The following MICAL2 variants were observed in gnomAD, a reference collection of about 807,000 sequenced individuals.
MICAL2 encodes the protein [F-actin]-monooxygenase MICAL2.
MICAL2 carries 77 observed loss-of-function variants against 127.3 expected under a neutral mutation model. That is an observed-to-expected ratio of 0.60 (90% CI 0.50 to 0.73). The LOEUF (loss-of-function observed/expected upper bound fraction) is 0.73, where lower values mean the gene tolerates loss of function less well. Among genes scored for constraint, MICAL2 ranks in the 30% least tolerant of loss-of-function variants. MICAL2 has a pLI of 0.00. For synonymous variants in MICAL2, 570 were observed against 551.1 expected (o/e 1.03, Z -0.48); for missense variants, 1,351 against 1,434.4 (o/e 0.94, Z 0.94).
At chr11:12,201,892 G>A (rs1430308308) in intron 3 of MICAL2, among the ~76,000 whole-genome samples, 1 of 152,196 alleles carries the variant, frequency 6.6e-6, no homozygotes, top group African/African-American at 2.4e-5. Flanking sequence ...GCCAAGGCGG[G>A]CAGATCACCT....
chr11:12,195,710 T>TC (rs201315999), intron 3 of MICAL2, among the ~76,000 whole-genome samples: 11 of 151,642 alleles, frequency 7.3e-5, no homozygotes, highest in South Asian at 4.2e-4. Context: ...GATTTCTTTT[T>TC]TTTTTTTTTT....
intron 3 of MICAL2, among the ~76,000 whole-genome samples, chr11:12,173,884 T>C (rs1317824026): frequency 6.6e-6 from 1 of 152,200 alleles, no homozygotes; most frequent in Non-Finnish European, 1.5e-5. Context: ...TCTTTTCTTT[T>C]TCAATCTTAA....
At position 12,232,387 on chromosome 11, in the gene MICAL2, G is replaced by C. The variant is rs1289992313; in HGVS notation, c.1996-3790G>C. Among the ~76,000 whole-genome samples the C allele has an allele frequency of 1.2e-4, 19 of 152,296 alleles. No homozygotes were observed. In the East Asian group the frequency reaches 3.3e-3, roughly 26 times the overall value. On this transcript the variant is annotated intron_variant, in intron 15 of 27. Transcript: ENST00000683283. ...AGATTACATTTTGATAAGTCATGTAGGTGGTAAATGTCAAAGCCAGAAGTA... is the reference window on the plus strand; with the variant it reads ...AGATTACATTTTGATAAGTCATGTACGTGGTAAATGTCAAAGCCAGAAGTA...
At chr11:12,334,888 T>C (rs1938721760) in intron 32 of MICAL2, among the ~76,000 whole-genome samples, 1 of 152,106 alleles carries the variant, frequency 6.6e-6, no homozygotes, top group Admixed American at 6.5e-5. Flanking sequence ...GTCTTGGCTA[T>C]TGTGAATAGT....
At chr11:12,345,116 C>CAAAAAAAAAAAAAAAAAAAAA (rs796748173) in intron 32 of MICAL2, among the ~76,000 whole-genome samples, 1 of 110,540 alleles carries the variant, frequency 9.0e-6, no homozygotes, top group African/African-American at 3.5e-5. Context: ...GAATCCATCT[C>CAAAAAAAAAAAAAAAAAAAAA]AAAAAAAAAA....
chr11:12,246,326 C>T (rs2134529270), intron 21 of MICAL2, among the ~76,000 whole-genome samples: 1 of 152,338 alleles, frequency 6.6e-6, no homozygotes, highest in East Asian at 1.9e-4. Flanking sequence ...GACTCGGCTC[C>T]CTATCAGCCA....
intron 29 of MICAL2, among the ~76,000 whole-genome samples, chr11:12,304,233 T>A (rs1313330192): frequency 6.6e-6 from 1 of 152,210 alleles, no homozygotes; most frequent in Admixed American, 6.5e-5. Flanking sequence ...CACAGTCATA[T>A]CTATGATGAA....
chr11:12,300,830 G>T (rs1407914422), intron 29 of MICAL2, among the ~76,000 whole-genome samples: 1 of 152,126 alleles, frequency 6.6e-6, no homozygotes, highest in African/African-American at 2.4e-5. Context: ...ATAATAAAAG[G>T]GTGTTGTTGT....
intron 3 of MICAL2, among the ~76,000 whole-genome samples, chr11:12,171,645 G>A (rs1035689084): frequency 6.6e-6 from 1 of 152,186 alleles, no homozygotes; most frequent in Non-Finnish European, 1.5e-5. Context: ...TTGTAAGAGT[G>A]CATTCAGCTG....
At chr11:12,207,311 A>G (rs936623798) in intron 4 of MICAL2, among the ~76,000 whole-genome samples, 3 of 152,252 alleles carry the variant, frequency 2.0e-5, no homozygotes, top group South Asian at 2.1e-4. Flanking sequence ...CTGACATAGT[A>G]TAGATGCTCA....
At chr11:12,293,671 G>C, downstream of MICAL2, 1 of 1,614,126 alleles carries the variant, frequency 6.2e-7, no homozygotes, top group Non-Finnish European at 8.5e-7. Context: ...AAATTCCCCT[G>C]TATCTGCCTC....
At chr11:12,355,471 T>C (rs1435507091) in intron 34 of MICAL2, among the ~76,000 whole-genome samples, 10 of 152,192 alleles carry the variant, frequency 6.6e-5, no homozygotes. Flanking sequence ...CAGAAAGGCA[T>C]ATTCACTCCG....
intron 3 of MICAL2, among the ~76,000 whole-genome samples, chr11:12,188,625 A>G (rs545750771): frequency 6.6e-6 from 1 of 152,280 alleles, no homozygotes; most frequent in Admixed American, 6.5e-5. Context: ...TGATGAACCA[A>G]TCTTCTCTCA....
chr11:12,321,127 C>T (rs959783056), intron 30 of MICAL2, among the ~76,000 whole-genome samples: 3 of 152,124 alleles, frequency 2.0e-5, no homozygotes, highest in Non-Finnish European at 4.4e-5. Flanking sequence ...GGACCAGTCT[C>T]ACAAATAGCT....
At chr11:12,355,219 A>T (rs1486552745) in intron 34 of MICAL2, among the ~76,000 whole-genome samples, 1 of 152,190 alleles carries the variant, frequency 6.6e-6, no homozygotes, top group Non-Finnish European at 1.5e-5. Flanking sequence ...GGGGAGACTA[A>T]CACCCCCAGT....
At chr11:12,157,692 T>C (rs560786201) in intron 2 of MICAL2, among the ~76,000 whole-genome samples, 78 of 108,258 alleles carry the variant, frequency 7.2e-4, no homozygotes, top group African/African-American at 2.3e-3. Context: ...ACCAGGATCC[T>C]CTGATAAAAA....
intron 6 of MICAL2, among the ~76,000 whole-genome samples, chr11:12,210,225 A>C (rs910641677): frequency 2.5e-4 from 38 of 152,296 alleles, no homozygotes; most frequent in African/African-American, 8.9e-4. Flanking sequence ...AGTTTGTGAG[A>C]GAAACCCCAT....
At chr11:12,241,423 CTG>C (rs1229254887) in intron 18 of MICAL2, among the ~76,000 whole-genome samples, 1 of 152,248 alleles carries the variant, frequency 6.6e-6, no homozygotes, top group African/African-American at 2.4e-5. Context: ...GAAAAATAAA[CTG>C]TACCACAGGG....
Position 12,162,300 on chromosome 11 carries a change from T to A in MICAL2, c.145T>A (p.Phe49Ile). ...CCTAGACCCTCTGGACCACAGAAAC[T>A]TTTATTCCAAGCTCAAGTCCAAGGT... ...LDLDPLDHRNFYSKLKSKVTT... is the reference protein window; with the variant it reads ...LDLDPLDHRNIYSKLKSKVTT... The change falls in exon 3 of 28, where the codon TTT (phenylalanine) becomes ATT (isoleucine). Residue 49 changes from phenylalanine (F) to isoleucine (I), a missense_variant. Transcript: ENST00000683283. The A allele has an allele frequency of 1.2e-6, 2 of 1,614,128 alleles. No individual in the cohort carries two copies. Among genetic ancestry groups the A allele is most frequent in the Non-Finnish European group, 1.7e-6 (2 of 1,179,942 alleles).
Sources: gnomAD v4.1 joint callset for allele counts (sites outside exome capture counted in the v4.1 genomes callset) on GRCh38, gnomAD v4.1.1 for gene constraint, MANE v1.5 for transcripts, NCBI Gene and HGNC (gene_info 2026-07-23, HGNC 2026-07-21) for gene names.